Variants in MTDH observed in about 807,000 individuals in gnomAD.
The protein encoded by MTDH is protein LYRIC.
In MTDH, 34 loss-of-function variants were observed where a neutral mutation model predicts 72.7. That is an observed-to-expected ratio of 0.47 (90% CI 0.36 to 0.62). MTDH has a LOEUF of 0.62. MTDH is among the 20% of genes least tolerant of loss of function. MTDH has a pLI of 0.00. For missense variants in MTDH, 677 were observed against 699.4 expected (o/e 0.97, Z 0.36); for synonymous variants, 266 against 268.9 (o/e 0.99, Z 0.10).
At chr8:97,666,921 C>T (rs1299344677) in intron 2 of MTDH, among the ~76,000 whole-genome samples, 4 of 151,806 alleles carry the variant, frequency 2.6e-5, no homozygotes, top group African/African-American at 2.4e-5. Flanking sequence ...GGTCTTGAAC[C>T]CCTGACCTCA....
intron 10 of MTDH, among the ~76,000 whole-genome samples, chr8:97,719,520 A>T (rs1815025704): frequency 6.6e-6 from 1 of 151,790 alleles, no homozygotes; most frequent in African/African-American, 2.4e-5. Flanking sequence ...AAAGAATAAT[A>T]AAGTTTTGTT....
chr8:97,723,102 T>G, intron 11 of MTDH, 67 bp downstream of exon 11: 2 of 1,526,102 alleles, frequency 1.3e-6, no homozygotes, highest in Non-Finnish European at 1.8e-6. Flanking sequence ...GTTCTGATCT[T>G]AAAAGTCTAA....
intron 7 of MTDH, among the ~76,000 whole-genome samples, chr8:97,703,402 C>T (rs1814217048): frequency 6.6e-6 from 1 of 152,168 alleles, no homozygotes; most frequent in Non-Finnish European, 1.5e-5. Flanking sequence ...TTATTTTTCA[C>T]CTCCACCTCC....
At chr8:97,649,609 T>G (rs1339353259) in intron 1 of MTDH, among the ~76,000 whole-genome samples, 1 of 152,196 alleles carries the variant, frequency 6.6e-6, no homozygotes, top group Non-Finnish European at 1.5e-5. Context: ...TCATTTTTGT[T>G]GTTGTTGTTT....
At chr8:97,717,110 A>G (rs1814907549) in intron 9 of MTDH, among the ~76,000 whole-genome samples, 1 of 152,224 alleles carries the variant, frequency 6.6e-6, no homozygotes, top group South Asian at 2.1e-4. Context: ...GTAAGATTAC[A>G]GACTTCACCC....
chr8:97,644,777 G>A lies in MTDH; in HGVS notation c.271G>A (p.Glu91Lys). 5 of 1,552,192 alleles carry A rather than the reference G, an allele frequency of 3.2e-6. No homozygotes were observed. The highest frequency in any genetic ancestry group is 4.3e-6 in the Non-Finnish European group (5 of 1,159,102). ...KRRSPPRKRE[E>K]AAAVPAAAPD... is the part of the protein sequence containing the mutation. The stretch of plus-strand genomic sequence containing the variant: ...GAGGAGCCCGCCCCGCAAGCGGGAG[G>A]AGGCGGCGGCCGTGCCGGCCGCGGC... Residue 91 changes from glutamate to lysine, a missense_variant, in exon 1 of 12, where the codon GAG (glutamate) becomes AAG (lysine). Transcript: ENST00000336273.
intron 2 of MTDH, among the ~76,000 whole-genome samples, chr8:97,666,127 CA>C (rs1232775004): frequency 0.069 from 4,689 of 68,206 alleles, 63 homozygotes; most frequent in Admixed American, 0.098. Context: ...GACTCCGTCT[CA>C]AAAAAAAAAA....
intron 2 of MTDH, among the ~76,000 whole-genome samples, chr8:97,670,175 CA>C (rs1812554464): frequency 6.6e-6 from 1 of 151,728 alleles, no homozygotes; most frequent in Non-Finnish European, 1.5e-5. Flanking sequence ...ATTAGCCAGG[CA>C]CGGTGGCACG....
chr8:97,705,037 G>A (rs562711459), intron 7 of MTDH, among the ~76,000 whole-genome samples: 2 of 152,210 alleles, frequency 1.3e-5, no homozygotes, highest in Non-Finnish European at 2.9e-5. Flanking sequence ...AGTGGCTCAC[G>A]CCTGTAATCC....
At chr8:97,693,360 G>A (rs1393053875) in intron 6 of MTDH, among the ~76,000 whole-genome samples, 3 of 151,948 alleles carry the variant, frequency 2.0e-5, no homozygotes, top group African/African-American at 4.8e-5. Context: ...TGTTTGAGAC[G>A]GAGTCTCGCT....
At chr8:97,679,953 T>C (rs540119067) in intron 2 of MTDH, among the ~76,000 whole-genome samples, 11 of 152,362 alleles carry the variant, frequency 7.2e-5, no homozygotes, top group Middle Eastern at 3.4e-3. Flanking sequence ...TTGGAACTTA[T>C]TCGTCATAAT....
At chr8:97,680,815 C>T (rs1440616552) in intron 2 of MTDH, among the ~76,000 whole-genome samples, 1 of 152,138 alleles carries the variant, frequency 6.6e-6, no homozygotes, top group Non-Finnish European at 1.5e-5. Flanking sequence ...CAGGCTTCCT[C>T]AAAAGCGTAT....
rs150172817 is a variant in MTDH, at chr8:97,694,474, C to T, written c.1048+3286C>T. Among the ~76,000 whole-genome samples the T allele has an allele frequency of 1.1e-4, 16 of 152,200 alleles. No homozygotes were observed. In the South Asian group the frequency reaches 1.2e-3, roughly 12 times the overall value. On this transcript the variant is annotated intron_variant, in intron 6 of 11. Coordinates refer to ENST00000336273, the MANE Select transcript of MTDH (RefSeq NM_178812.4). ...AGCCTCCCAAAGTACTGGGATTACA[C>T]GTGTGAGCCACCAACACTGGCCCCT...
At chr8:97,646,289 A>C (rs1358073979) in intron 1 of MTDH, among the ~76,000 whole-genome samples, 3 of 152,226 alleles carry the variant, frequency 2.0e-5, no homozygotes, top group African/African-American at 7.2e-5. Context: ...TGCAAGATAC[A>C]TATGAAACCT....
In MTDH at chr8:97,682,398, A is replaced by G. The variant is rs1314960518; in HGVS notation, c.484-4270A>G. On this transcript the variant is annotated intron_variant, in intron 2 of 11. Coordinates refer to ENST00000336273, the MANE Select transcript of MTDH (RefSeq NM_178812.4). Reference sequence around the variant, plus strand: ...ACTGCAACCTCCGCCTCCCAGGTTCAAGCGATTCTCCTGCCTCAGCCTCCC... The same window carrying G: ...ACTGCAACCTCCGCCTCCCAGGTTCGAGCGATTCTCCTGCCTCAGCCTCCC... 3.6e-5 allele frequency among the ~76,000 whole-genome samples: 5 copies of G among 140,402 alleles called. No individual in the cohort carries two copies. The East Asian group carries it at 1.1e-3, about 30-fold the overall frequency. The allele number at this position is 140,402 out of a possible 152,430, so 92.1% of individuals were successfully genotyped here. A position where few individuals can be genotyped will look rare whatever the true frequency, so the allele number is the denominator to read the frequency against.
chr8:97,667,644 CTGGTAGTATTTGT>C (rs1414358640), intron 2 of MTDH, among the ~76,000 whole-genome samples: 1 of 151,994 alleles, frequency 6.6e-6, no homozygotes, highest in African/African-American at 2.4e-5. Flanking sequence ...TTAAAGGAAG[CTGGTAGTATTTGT>C]TGCAAATGAT....
At chr8:97,717,885 G>A (rs1814939514) in intron 9 of MTDH, among the ~76,000 whole-genome samples, 1 of 151,958 alleles carries the variant, frequency 6.6e-6, no homozygotes, top group South Asian at 2.1e-4. Context: ...AAGTAGCTGG[G>A]ATTACAGATG....
chr8:97,697,141 T>TAA (rs1813878785), intron 6 of MTDH, among the ~76,000 whole-genome samples: 1 of 73,062 alleles, frequency 1.4e-5, no homozygotes, highest in African/African-American at 9.0e-5. Flanking sequence ...TATATATATA[T>TAA]ATATATATAT....
chr8:97,719,973 T>C (rs1452769573), intron 10 of MTDH, among the ~76,000 whole-genome samples: 1 of 152,086 alleles, frequency 6.6e-6, no homozygotes, highest in African/African-American at 2.4e-5. Flanking sequence ...TGATTTCTAA[T>C]TGGGTAAATT....
Sources: allele counts gnomAD v4.1 joint callset (sites outside exome capture counted in the v4.1 genomes callset), GRCh38; gene constraint gnomAD v4.1.1; transcripts MANE v1.5; gene names NCBI Gene and HGNC (gene_info 2026-07-23, HGNC 2026-07-21).